The following LPP variants were observed in gnomAD, a reference collection of about 807,000 sequenced individuals.
The protein encoded by LPP is LIM domain containing preferred translocation partner in lipoma, also known as lipoma-preferred partner.
In LPP, 38 loss-of-function variants were observed where a neutral mutation model predicts 60.4. The ratio of observed to expected loss-of-function variants is 0.63; its 90% CI spans 0.49 to 0.83. The LOEUF is 0.83. Among genes scored for constraint, LPP ranks in the 40% least tolerant of loss-of-function variants. The pLI is 0.00. For synonymous variants in LPP, 328 were observed against 290.8 expected (o/e 1.13, Z -1.30); for missense variants, 902 against 783.6 (o/e 1.15, Z -1.80).
rs932483962 is a variant in LPP at position 188,323,745 on chromosome 3, T to C, written c.-66-17918T>C. Among the ~76,000 whole-genome samples, 4 of 152,230 alleles carry C rather than the reference T, an allele frequency of 2.6e-5. No homozygotes were observed. In the East Asian group the frequency reaches 7.7e-4, roughly 29 times the overall value. ...TGCCAGTTGTGATCTTGAAATTTAG[T>C]CAGATTAAAAGGGAACTCTGACTTT... On this transcript the variant is annotated intron_variant, in intron 2 of 11. Coordinates refer to ENST00000617246, the MANE Select transcript of LPP (RefSeq NM_001375462.1).
rs984585503 is a variant in LPP at position 188,717,582 on chromosome 3, G to T, written c.1240+9189G>T. ...TGTATTGATTTGGGGGGAAAAATGG[G>T]TTTTTTGGTTTTGTTTCTCTCTAAC... On this transcript the variant is annotated intron_variant, in intron 8 of 11. Coordinates refer to ENST00000617246, the MANE Select transcript of LPP (RefSeq NM_001375462.1). Among the ~76,000 whole-genome samples, 15 of 152,170 alleles carry T rather than the reference G, an allele frequency of 9.9e-5. 1 individual carries two copies. The highest frequency in any genetic ancestry group is 3.9e-4 in the East Asian group (2 of 5,184).
intron 2 of LPP, among the ~76,000 whole-genome samples, chr3:188,237,073 A>G (rs1481005211): frequency 6.6e-6 from 1 of 151,778 alleles, no homozygotes; most frequent in East Asian, 1.9e-4. Flanking sequence ...TATTTGATAT[A>G]CTTTTTTTTT....
At chr3:188,276,471 G>T (rs116497796) in intron 2 of LPP, among the ~76,000 whole-genome samples, 4,991 of 152,190 alleles carry the variant, frequency 0.033, 161 homozygotes, top group African/African-American at 0.081. Context: ...CTGATGCTTG[G>T]ATATTTGTTT....
At chr3:188,253,985 T>G (rs530797456) in intron 2 of LPP, among the ~76,000 whole-genome samples, 1 of 152,248 alleles carries the variant, frequency 6.6e-6, no homozygotes, top group African/African-American at 2.4e-5. Flanking sequence ...AGAAGTGAAT[T>G]TGGGAAGTTT....
intron 5 of LPP, among the ~76,000 whole-genome samples, chr3:188,505,205 G>A (rs1229496316): frequency 6.6e-6 from 1 of 152,168 alleles, no homozygotes; most frequent in Non-Finnish European, 1.5e-5. Flanking sequence ...TTGTCTAGGT[G>A]GAAAGACAGA....
In LPP at chr3:188,410,063, C is replaced by T. The variant is rs571916318; in HGVS notation, c.193+3750C>T. Reference sequence around the variant, plus strand: ...TTTAATAGATTTGCTTGTATATGCACCTGTCTTCTCTAGCGGAGTCTGAAC... The same window carrying T: ...TTTAATAGATTTGCTTGTATATGCATCTGTCTTCTCTAGCGGAGTCTGAAC... On this transcript the variant is annotated intron_variant, in intron 4 of 11. Transcript: ENST00000617246. Among the ~76,000 whole-genome samples, 9 of 152,270 alleles carry T rather than the reference C, an allele frequency of 5.9e-5. No individual in the cohort carries two copies. In the East Asian group the frequency reaches 1.7e-3, roughly 29 times the overall value.
intron 9 of LPP, among the ~76,000 whole-genome samples, chr3:188,863,955 T>TAAAAAA: frequency 9.2e-6 from 1 of 108,712 alleles, no homozygotes; most frequent in Admixed American, 9.1e-5. Flanking sequence ...CAGGGCTGAC[T>TAAAAAA]AAAAAAAAAA....
intron 2 of LPP, among the ~76,000 whole-genome samples, chr3:188,331,094 C>T (rs1190603186): frequency 6.6e-6 from 1 of 152,064 alleles, no homozygotes; most frequent in Non-Finnish European, 1.5e-5. Flanking sequence ...CTTCAAAATG[C>T]CTGTTTTCTG....
Position 188,361,510 on chromosome 3 carries a change from C to CCCTCTCCTCTCCTCT in LPP, c.-10+19811_-10+19825dup, listed in dbSNP as rs1335595790. On this transcript the variant is annotated intron_variant, in intron 3 of 11. Transcript: ENST00000617246. The stretch of plus-strand genomic sequence containing the variant: ...TTTCTTCTCCTTTCCTTTTCCTTTT[C>CCCTCTCCTCTCCTCT]CCTCTCCTCTCCTCTCCTCTCCTCT... 1.1e-4 allele frequency among the ~76,000 whole-genome samples: 9 copies of CCCTCTCCTCTCCTCT among 82,712 alleles called. No homozygotes were observed. In the East Asian group the frequency reaches 3.7e-3, roughly 34 times the overall value. The allele number at this position is 82,712 out of a possible 152,430, so 54.3% of individuals were successfully genotyped here. A position where few individuals can be genotyped will look rare whatever the true frequency, so the allele number is the denominator to read the frequency against.
chr3:188,215,731 GTTAA>G (rs1713286792), intron 1 of LPP, among the ~76,000 whole-genome samples: 1 of 152,168 alleles, frequency 6.6e-6, no homozygotes, highest in African/African-American at 2.4e-5. Flanking sequence ...ACTTCAAAGG[GTTAA>G]TTAAGTAAGT....
At chr3:188,665,567 C>T (rs1289781912) in intron 7 of LPP, among the ~76,000 whole-genome samples, 1 of 149,824 alleles carries the variant, frequency 6.7e-6, no homozygotes, top group Non-Finnish European at 1.5e-5. Context: ...TTAAGCGATT[C>T]TCCTGCCTCA....
intron 5 of LPP, among the ~76,000 whole-genome samples, chr3:188,502,793 A>G (rs1235822061): frequency 2.0e-5 from 3 of 152,276 alleles, no homozygotes; most frequent in Middle Eastern, 6.8e-3. Flanking sequence ...GAACACTTGC[A>G]TTAGCAGACA....
chr3:188,473,642 C>G (rs1432467340), intron 4 of LPP, among the ~76,000 whole-genome samples: 1 of 152,160 alleles, frequency 6.6e-6, no homozygotes, highest in African/African-American at 2.4e-5. Flanking sequence ...GTTTCAATAC[C>G]TCAAGCTAAG....
intron 5 of LPP, among the ~76,000 whole-genome samples, chr3:188,487,480 T>C (rs1407068705): frequency 6.6e-6 from 1 of 152,186 alleles, no homozygotes; most frequent in Non-Finnish European, 1.5e-5. Flanking sequence ...TGTTGTCATG[T>C]TGGCTTAAGT....
At chr3:188,316,139 A>G (rs530459310) in intron 2 of LPP, among the ~76,000 whole-genome samples, 1 of 152,292 alleles carries the variant, frequency 6.6e-6, no homozygotes, top group East Asian at 1.9e-4. Flanking sequence ...CCAGCCAGGC[A>G]TGGTGGCAGG....
chr3:188,860,432 A>G (rs1764907878), intron 9 of LPP, among the ~76,000 whole-genome samples: 1 of 152,200 alleles, frequency 6.6e-6, no homozygotes, highest in Admixed American at 6.5e-5. Context: ...GTTCATGTGG[A>G]AAATGATGGC....
intron 7 of LPP, among the ~76,000 whole-genome samples, chr3:188,706,723 G>A (rs1465158448): frequency 6.6e-6 from 1 of 152,176 alleles, no homozygotes; most frequent in Non-Finnish European, 1.5e-5. Flanking sequence ...GAAGATAATA[G>A]GAGAATGAAT....
intron 4 of LPP, among the ~76,000 whole-genome samples, chr3:188,442,305 G>C (rs1794199238): frequency 6.6e-6 from 1 of 152,076 alleles, no homozygotes; most frequent in Non-Finnish European, 1.5e-5. Context: ...CCTGGTGTGT[G>C]ATGTTCCCTT....
chr3:188,872,684 T>G lies in LPP; in HGVS notation c.1631T>G (p.Met544Arg). The part of the protein sequence containing the change: ...PRCSVCKEPI[M>R]PAPGQEETVR... ...TGTTCTGTGTGCAAGGAGCCTATTATGCCAGCCCCGGGCCAGGAGGAGACT... is the reference window on the plus strand; with the variant it reads ...TGTTCTGTGTGCAAGGAGCCTATTAGGCCAGCCCCGGGCCAGGAGGAGACT... Residue 544 changes from methionine to arginine, a missense_variant, in exon 11 of 12, where the codon ATG becomes AGG. Coordinates refer to ENST00000617246, the MANE Select transcript of LPP (RefSeq NM_001375462.1). 6.2e-7 allele frequency: 1 copy of G among 1,614,188 alleles called. No individual in the cohort carries two copies. Among genetic ancestry groups the G allele is most frequent in the Non-Finnish European group, 8.5e-7 (1 of 1,180,032 alleles).
Sources: gnomAD v4.1 joint callset for allele counts (sites outside exome capture counted in the v4.1 genomes callset) on GRCh38, gnomAD v4.1.1 for gene constraint, MANE v1.5 for transcripts, NCBI Gene and HGNC (gene_info 2026-07-23, HGNC 2026-07-21) for gene names.